Variants in MAGI2 observed in about 807,000 individuals in gnomAD.
The protein encoded by MAGI2 is membrane-associated guanylate kinase, WW and PDZ domain-containing protein 2.
Under a neutral mutation model 133.3 loss-of-function variants are expected in MAGI2, and 35 were observed. The ratio of observed to expected loss-of-function variants is 0.26; its 90% CI spans 0.20 to 0.35. The LOEUF (loss-of-function observed/expected upper bound fraction) is 0.35, where lower values mean the gene tolerates loss of function less well. MAGI2 is among the 10% of genes least tolerant of loss of function. The pLI, the probability that MAGI2 is intolerant of heterozygous loss-of-function variation, is 1.00. For synonymous variants in MAGI2, 729 were observed against 710.6 expected (o/e 1.03, Z -0.41); for missense variants, 1,636 against 1,863.4 (o/e 0.88, Z 2.25).
At chr7:78,816,349 T>C (rs180841701) in intron 2 of MAGI2, among the ~76,000 whole-genome samples, 1 of 152,326 alleles carries the variant, frequency 6.6e-6, no homozygotes, top group African/African-American at 2.4e-5. Flanking sequence ...GATGTAAAGC[T>C]GTAGCAAGTT....
chr7:78,481,018 A>G lies in MAGI2; in HGVS notation c.1045+8743T>C, dbSNP rs1225091789. 2.6e-5 allele frequency among the ~76,000 whole-genome samples: 4 copies of G among 152,062 alleles called. No individual in the cohort carries two copies. The East Asian group carries it at 7.8e-4, about 30-fold the overall frequency. On this transcript the variant is annotated intron_variant, in intron 6 of 21. Coordinates refer to ENST00000354212, the MANE Select transcript of MAGI2 (RefSeq NM_012301.4). ...CAACTTAATCTGGAGGTTTAATACA[A>G]TTCCTATGAGAATCCCAACAAGATT...
intron 20 of MAGI2, among the ~76,000 whole-genome samples, chr7:78,097,082 A>G (rs1817764102): frequency 6.6e-6 from 1 of 152,236 alleles, no homozygotes; most frequent in South Asian, 2.1e-4. Flanking sequence ...ATCACTGATC[A>G]TTAGAGAAAT....
chr7:78,135,840 C>T (rs964370044), intron 16 of MAGI2, among the ~76,000 whole-genome samples: 35 of 152,188 alleles, frequency 2.3e-4, no homozygotes, highest in Non-Finnish European at 5.0e-4. Flanking sequence ...CATCTTACCT[C>T]TTCTTTTTGA....
At chr7:79,336,468 CA>C (rs890425080) in intron 1 of MAGI2, among the ~76,000 whole-genome samples, 2 of 151,560 alleles carry the variant, frequency 1.3e-5, no homozygotes, top group African/African-American at 4.8e-5. Context: ...AAATAATGAC[CA>C]ATATGAAAAT....
At chr7:78,421,645 T>G (rs181145906) in intron 6 of MAGI2, among the ~76,000 whole-genome samples, 1 of 152,176 alleles carries the variant, frequency 6.6e-6, no homozygotes, top group African/African-American at 2.4e-5. Context: ...AGACCCCATA[T>G]CTACCAAATA....
At chr7:79,117,764 C>G (rs17474610) in intron 1 of MAGI2, among the ~76,000 whole-genome samples, 2,071 of 152,230 alleles carry the variant, frequency 0.014, 41 homozygotes, top group African/African-American at 0.045. Flanking sequence ...GAATATATAG[C>G]TAAAAAGCTT....
intron 2 of MAGI2, among the ~76,000 whole-genome samples, chr7:78,704,825 G>A (rs1818466923): frequency 8.1e-6 from 1 of 123,062 alleles, no homozygotes; most frequent in African/African-American, 3.2e-5. Flanking sequence ...CTGTTGCCCA[G>A]GCTGGAGTGC....
chr7:78,053,812 T>G (rs899329680), intron 21 of MAGI2, among the ~76,000 whole-genome samples: 1 of 152,216 alleles, frequency 6.6e-6, no homozygotes, highest in African/African-American at 2.4e-5. Flanking sequence ...AGCTGAAAAA[T>G]TGTTTACTCT....
chr7:78,255,045 CCTTTTCCTTT>C, intron 10 of MAGI2: 1 of 152,292 alleles, frequency 6.6e-6, no homozygotes, highest in African/African-American at 2.4e-5. Flanking sequence ...TTAGCCTGAT[CCTTTTCCTTT>C]ACACTCTTTT....
chr7:78,606,212 T>C (rs1355873993), intron 3 of MAGI2, among the ~76,000 whole-genome samples: 1 of 152,064 alleles, frequency 6.6e-6, no homozygotes, highest in Non-Finnish European at 1.5e-5. Flanking sequence ...TTTTAGTTTG[T>C]TTTTTTAAAA....
chr7:78,128,411 G>A (rs529268302), intron 18 of MAGI2, among the ~76,000 whole-genome samples: 2 of 152,168 alleles, frequency 1.3e-5, no homozygotes, highest in African/African-American at 4.8e-5. Context: ...CAGGGATGTA[G>A]GTAGATTGAA....
chr7:78,140,103 C>T (rs1343051579), intron 16 of MAGI2, among the ~76,000 whole-genome samples: 1 of 152,152 alleles, frequency 6.6e-6, no homozygotes, highest in Non-Finnish European at 1.5e-5. Flanking sequence ...GTATAGTCTA[C>T]TCCGGCTCCT....
At chr7:78,053,016 C>T (rs11760657) in intron 21 of MAGI2, among the ~76,000 whole-genome samples, 21 of 151,612 alleles carry the variant, frequency 1.4e-4, no homozygotes, top group African/African-American at 2.2e-4. Flanking sequence ...GAAAAGTAGT[C>T]GAAATATTGT....
chr7:79,216,156 GAGA>G (rs1165351411), intron 1 of MAGI2, among the ~76,000 whole-genome samples: 4 of 151,986 alleles, frequency 2.6e-5, no homozygotes, highest in Admixed American at 1.3e-4. Flanking sequence ...AAGAGCAGCA[GAGA>G]AGGAGAGAAG....
At chr7:78,057,722 A>G (rs1812739666) in intron 21 of MAGI2, among the ~76,000 whole-genome samples, 2 of 151,848 alleles carry the variant, frequency 1.3e-5, no homozygotes, top group South Asian at 4.2e-4. Flanking sequence ...ATGTAGAGAG[A>G]TTGGGACATG....
At chr7:78,533,763 G>T (rs928771561) in intron 3 of MAGI2, among the ~76,000 whole-genome samples, 1 of 152,064 alleles carries the variant, frequency 6.6e-6, no homozygotes, top group African/African-American at 2.4e-5. Context: ...CAATTCCTGG[G>T]CTAGTTCTTC....
chr7:79,118,370 C>G (rs1819587759), intron 1 of MAGI2, among the ~76,000 whole-genome samples: 1 of 152,066 alleles, frequency 6.6e-6, no homozygotes, highest in African/African-American at 2.4e-5. Flanking sequence ...TCATTTCTAT[C>G]AAGTATATAT....
chr7:79,150,703 T>G (rs1057232217), intron 1 of MAGI2, among the ~76,000 whole-genome samples: 1 of 152,056 alleles, frequency 6.6e-6, no homozygotes, highest in Non-Finnish European at 1.5e-5. Flanking sequence ...GGGCCATAAT[T>G]CAATTTTTCC....
In MAGI2 at chr7:78,766,003, C is replaced by T. The variant is rs996618336; in HGVS notation, c.419-138764G>A. Among the ~76,000 whole-genome samples the T allele has an allele frequency of 1.2e-4, 18 of 152,282 alleles. No individual in the cohort carries two copies. In the East Asian group the frequency reaches 3.3e-3, roughly 28 times the overall value. ...TCTAAGATCTGAAAGAAAGGCTCTT[C>T]ATAAACAGCTGTACGAATCCAAGAT... On this transcript the variant is annotated intron_variant, in intron 2 of 21. Coordinates refer to ENST00000354212, the MANE Select transcript of MAGI2 (RefSeq NM_012301.4).
Sources: allele counts gnomAD v4.1 joint callset (sites outside exome capture counted in the v4.1 genomes callset), GRCh38; gene constraint gnomAD v4.1.1; transcripts MANE v1.5; gene names NCBI Gene and HGNC (gene_info 2026-07-23, HGNC 2026-07-21).